The following EPB41L5 variants were observed in gnomAD, a reference collection of about 807,000 sequenced individuals.
EPB41L5 encodes erythrocyte membrane protein band 4.1 like 5.
In EPB41L5, 55 loss-of-function variants were observed where a neutral mutation model predicts 106.6. That is an observed-to-expected ratio of 0.52 (90% confidence interval 0.42 to 0.65). The LOEUF (loss-of-function observed/expected upper bound fraction) is 0.65. Ranked by LOEUF, EPB41L5 falls within the 30% of genes least tolerant of loss-of-function variation. The pLI is 0.00. For synonymous variants in EPB41L5, 297 were observed against 306.7 expected, an observed-to-expected ratio of 0.97 and a Z score of 0.33; for missense variants, 871 against 882.1, an observed-to-expected ratio of 0.99 and a Z score of 0.16.
At chr2:120,060,172 AG>A (rs971188950) in intron 3 of EPB41L5, among the ~76,000 whole-genome samples, 10 of 152,220 alleles carry the variant, frequency 6.6e-5, no homozygotes, top group Admixed American at 6.5e-4. Context: ...GGGATTGTAA[AG>A]TGATATCGCT....
intron 11 of EPB41L5, 78 bp downstream of exon 11, chr2:120,087,318 A>C: frequency 3.6e-6 from 3 of 841,662 alleles, no homozygotes; most frequent in Non-Finnish European, 5.7e-6. Context: ...AAAAGAGGGA[A>C]TGTACCTCAT....
chr2:120,041,879 G>A, intron 2 of EPB41L5, 127 bp from the exon 3 acceptor site: 2 of 577,096 alleles, frequency 3.5e-6, no homozygotes, highest in Non-Finnish European at 6.0e-6. Context: ...TCTGCCACAT[G>A]CTAATACTTT....
At chr2:120,021,201 G>T (rs1225524776) in intron 2 of EPB41L5, among the ~76,000 whole-genome samples, 1 of 152,060 alleles carries the variant, frequency 6.6e-6, no homozygotes, top group Non-Finnish European at 1.5e-5. Flanking sequence ...TTAACCGGGC[G>T]TGGTGGCATG....
chr2:120,097,986 G>A (rs4849820), intron 14 of EPB41L5, among the ~76,000 whole-genome samples: 97,744 of 151,958 alleles, frequency 0.64, 32,598 homozygotes, highest in Middle Eastern at 0.74. Context: ...CCAAGGAACT[G>A]TGGACTAGTA....
chr2:120,109,629 G>A (rs953749925), intron 16 of EPB41L5, among the ~76,000 whole-genome samples: 12 of 152,038 alleles, frequency 7.9e-5, no homozygotes, highest in Non-Finnish European at 1.2e-4. Context: ...GCAATCCTCC[G>A]TTTTGTTCTA....
At chr2:120,088,372 G>A (rs900749634) in intron 11 of EPB41L5, among the ~76,000 whole-genome samples, 1 of 152,134 alleles carries the variant, frequency 6.6e-6, no homozygotes, top group Non-Finnish European at 1.5e-5. Flanking sequence ...TTACAAGTGG[G>A]AGCTAAATGA....
chr2:120,055,235 T>A (rs1396609128), intron 3 of EPB41L5, among the ~76,000 whole-genome samples: 1 of 152,178 alleles, frequency 6.6e-6, no homozygotes, highest in Non-Finnish European at 1.5e-5. Context: ...TTGTAGTAAG[T>A]CTTAAAATTG....
At position 120,091,602 on chromosome 2, in the gene EPB41L5, C is replaced by T. The variant is rs748064954; in HGVS notation, c.1091C>T (p.Ser364Leu). Residue 364 changes from serine to leucine, a missense_variant, in exon 13 of 25, where the codon TCA (serine) becomes TTA (leucine). Ser to Leu is a moderately radical substitution (Grantham distance 145, BLOSUM62 -2). Transcript: ENST00000263713. Reference protein sequence around the residue: ...QTTKTNKARRSTSFERRPSKR... With the variant: ...QTTKTNKARRLTSFERRPSKR... The stretch of plus-strand genomic sequence containing the variant: ...ACAAAAACCAATAAAGCAAGAAGAT[C>T]AACATCCTTTGAAAGAAGGCCCAGC... 6.2e-7 allele frequency: 1 copy of T among 1,613,836 alleles called. No individual in the cohort carries two copies. The highest frequency in any genetic ancestry group is 1.3e-5 in the African/African-American group (1 of 75,036).
chr2:120,050,088 C>T (rs1433889396), intron 3 of EPB41L5, among the ~76,000 whole-genome samples: 2 of 152,178 alleles, frequency 1.3e-5, no homozygotes, highest in Admixed American at 6.5e-5. Context: ...TCTCTGGCTG[C>T]CCTTAACATT....
intron 20 of EPB41L5, among the ~76,000 whole-genome samples, chr2:120,153,927 T>A (rs576034844): frequency 6.6e-6 from 1 of 152,298 alleles, no homozygotes; most frequent in Admixed American, 6.5e-5. Context: ...AGATGGATCA[T>A]TTTAAAAAAT....
intron 3 of EPB41L5, among the ~76,000 whole-genome samples, chr2:120,061,363 CAGGCGCCCGCCACTACGCCCGGCTAA>C (rs1252638038): frequency 1.3e-5 from 2 of 149,988 alleles, no homozygotes; most frequent in Non-Finnish European, 3.0e-5. Flanking sequence ...GCTGGGACTA[CAGGCGCCCGCCACTACGCCCGGCTAA>C]TTTTTTTGTA....
At chr2:120,041,575 G>A (rs187621454) in intron 2 of EPB41L5, among the ~76,000 whole-genome samples, 9 of 152,052 alleles carry the variant, frequency 5.9e-5, no homozygotes, top group African/African-American at 2.2e-4. Flanking sequence ...TCTAGTTTCT[G>A]TCTCTTCTCT....
chr2:120,055,377 G>T (rs1269221122), intron 3 of EPB41L5, among the ~76,000 whole-genome samples: 1 of 151,902 alleles, frequency 6.6e-6, no homozygotes. Flanking sequence ...ATTTTGGTAG[G>T]GATTGCACTG....
At chr2:120,081,451 C>T (rs922367893) in intron 10 of EPB41L5, among the ~76,000 whole-genome samples, 1 of 152,172 alleles carries the variant, frequency 6.6e-6, no homozygotes, top group Non-Finnish European at 1.5e-5. Context: ...GGGCTCTGTT[C>T]TGTTCCATTG....
rs1465426941 is a variant in EPB41L5, at chr2:120,178,879, T to C, written c.*3972T>C. The stretch of plus-strand genomic sequence containing the variant: ...AGATTCCTTTGCCCCTTTTATCTCC[T>C]TATCTGGATATGATAAGTGGTTATG... On this transcript the variant is annotated 3_prime_UTR_variant, in exon 25 of 25. Coordinates refer to ENST00000263713, the MANE Select transcript of EPB41L5 (RefSeq NM_020909.4). 6.6e-6 allele frequency: 1 copy of C among 152,266 alleles called. No individual in the cohort carries two copies. Among genetic ancestry groups the C allele is most frequent in the Non-Finnish European group, 1.5e-5 (1 of 68,056 alleles). 9.4% of individuals were successfully genotyped at this position (152,266 alleles called of 1,614,324 possible).
At chr2:120,091,756 C>T in intron 13 of EPB41L5, 95 bp downstream of exon 13, 3 of 917,916 alleles carry the variant, frequency 3.3e-6, no homozygotes, top group East Asian at 2.6e-5. Flanking sequence ...TGAATCTCCT[C>T]CTCAGGTCTG....
At chr2:120,150,617 C>T (rs1404978608) in intron 20 of EPB41L5, among the ~76,000 whole-genome samples, 1 of 152,060 alleles carries the variant, frequency 6.6e-6, no homozygotes, top group Non-Finnish European at 1.5e-5. Context: ...GTTGGGATTA[C>T]AGGTGTGACC....
At chr2:120,170,429 C>T (rs1687624656) in intron 24 of EPB41L5, among the ~76,000 whole-genome samples, 1 of 152,208 alleles carries the variant, frequency 6.6e-6, no homozygotes, top group South Asian at 2.1e-4. Context: ...GGAGAGGCAC[C>T]AGCCAGAGCT....
chr2:120,106,807 G>C (rs1423441005), intron 16 of EPB41L5: 17 of 985,294 alleles, frequency 1.7e-5, no homozygotes, highest in Non-Finnish European at 1.9e-5. Context: ...CGTTTCAAAG[G>C]CGTTTACCTA....
Sources: gnomAD v4.1 joint callset for allele counts (sites outside exome capture counted in the v4.1 genomes callset) on GRCh38, gnomAD v4.1.1 for gene constraint, MANE v1.5 for transcripts, NCBI Gene and HGNC (gene_info 2026-07-23, HGNC 2026-07-21) for gene names.